Variants in JAK1 observed in about 807,000 individuals in gnomAD.
The protein encoded by JAK1 is tyrosine-protein kinase JAK1.
JAK1 carries 16 observed loss-of-function variants against 136.6 expected under a neutral mutation model. The observed-to-expected ratio is 0.12, with a 90% CI of 0.08 to 0.18. JAK1 has a LOEUF of 0.18. Ranked by LOEUF, JAK1 falls within the 10% of genes least tolerant of loss-of-function variation. The pLI is 1.00. For missense variants in JAK1, 859 were observed against 1,450.1 expected (o/e 0.59, Z 6.62); for synonymous variants, 492 against 519.5 (o/e 0.95, Z 0.72).
upstream of JAK1, among the ~76,000 whole-genome samples, chr1:64,970,037 A>T (rs1646436124): frequency 6.7e-6 from 1 of 149,892 alleles, no homozygotes; most frequent in South Asian, 2.1e-4. Flanking sequence ...TCAGGAGTCG[A>T]GGTGGAAGGA....
chr1:64,845,010 C>T lies in JAK1; in HGVS notation c.2116-121G>A. On this transcript the variant is annotated intron_variant, in intron 15 of 24. Transcript: ENST00000342505. ...ACAGCCAGATCTGGACAGCCTGGCC[C>T]TGCTGCCAATCATCTGTGTGACTTA... 6 of 1,330,662 alleles carry T rather than the reference C, an allele frequency of 4.5e-6. No homozygotes were observed. In the South Asian group the frequency reaches 8.1e-5, roughly 18 times the overall value. The allele number at this position is 1,330,662 out of a possible 1,614,324, so 82.4% of individuals were successfully genotyped here. A position where few individuals can be genotyped will look rare whatever the true frequency, so the allele number is the denominator to read the frequency against.
chr1:64,977,649 T>A lies in JAK1; in HGVS notation c.-78+66831A>T, dbSNP rs145330273. Among the ~76,000 whole-genome samples the A allele has an allele frequency of 1.6e-3, 218 of 134,200 alleles. 2 individuals are homozygous for A. The East Asian group carries it at 0.039, about 24-fold the overall frequency. 88.0% of individuals were successfully genotyped at this position (134,200 alleles called of 152,430 possible). On this transcript the variant is annotated intron_variant, in intron 2 of 25. Transcript: ENST00000671954. ...GGTTTCACCGTGTTAGCAAGGATGGTCTCAATCTCCTGACCTCATGATCTA... is the reference window on the plus strand; with the variant it reads ...GGTTTCACCGTGTTAGCAAGGATGGACTCAATCTCCTGACCTCATGATCTA...
intron 2 of JAK1, among the ~76,000 whole-genome samples, chr1:64,988,932 A>G (rs1010421987): frequency 2.8e-5 from 4 of 145,338 alleles, no homozygotes; most frequent in Admixed American, 2.1e-4. Flanking sequence ...ATGTATGTGT[A>G]TATATATATG....
At chr1:64,873,000 G>A (rs1191994902) in intron 5 of JAK1, among the ~76,000 whole-genome samples, 3 of 151,816 alleles carry the variant, frequency 2.0e-5, no homozygotes, top group East Asian at 3.9e-4. Flanking sequence ...ACATTACTAC[G>A]GCTGCTGAGA....
chr1:65,005,470 G>A (rs1215472131), intron 2 of JAK1, among the ~76,000 whole-genome samples: 4 of 152,106 alleles, frequency 2.6e-5, no homozygotes, highest in Non-Finnish European at 4.4e-5. Flanking sequence ...AAGTTCTAGT[G>A]TTCTATAGCA....
At chr1:64,989,053 A>G (rs570313555) in intron 2 of JAK1, among the ~76,000 whole-genome samples, 279 of 141,950 alleles carry the variant, frequency 2.0e-3, no homozygotes, top group African/African-American at 6.9e-3. Context: ...AAGGCTGGGC[A>G]TGGTGGCTCA....
intron 2 of JAK1, among the ~76,000 whole-genome samples, chr1:64,982,526 T>C (rs1240493328): frequency 6.6e-5 from 10 of 152,080 alleles, no homozygotes; most frequent in Non-Finnish European, 1.3e-4. Flanking sequence ...GGGTTGAAGG[T>C]ATGACCATTA....
intron 5 of JAK1, 54 bp downstream of exon 5, chr1:64,873,316 C>T: frequency 1.2e-6 from 2 of 1,607,390 alleles, no homozygotes; most frequent in Non-Finnish European, 1.7e-6. Context: ...CTGAGCTCTA[C>T]AATGCCTCTC....
At chr1:64,914,110 T>A (rs1025638072) in intron 1 of JAK1, among the ~76,000 whole-genome samples, 7 of 152,148 alleles carry the variant, frequency 4.6e-5, no homozygotes, top group Non-Finnish European at 8.8e-5. Flanking sequence ...GAAAGACCAA[T>A]GTCAGGTCAT....
intron 2 of JAK1, among the ~76,000 whole-genome samples, chr1:65,034,035 G>T (rs896359578): frequency 2.0e-5 from 3 of 152,080 alleles, no homozygotes; most frequent in Admixed American, 2.0e-4. Context: ...ACAGAAATAA[G>T]AAATTGATGT....
rs535561053 is a variant in JAK1, at chr1:64,976,503, A to G, written c.-78+67977T>C. On this transcript the variant is annotated intron_variant, in intron 2 of 25. Coordinates refer to the JAK1 transcript ENST00000671954. ...GGCTTCTGGGAGTTACACACTTCCA[A>G]TTGGTCTCCATTCCTTGGCCAGAGT... Among the ~76,000 whole-genome samples, 6 of 152,244 alleles carry G rather than the reference A, an allele frequency of 3.9e-5. No homozygotes were observed. The South Asian group carries it at 1.2e-3, about 32-fold the overall frequency.
chr1:64,857,731 C>T lies in JAK1; in HGVS notation c.1383G>A (p.Gly461=). The change falls in exon 10 of 25, where the codon GGG becomes GGA. Residue 461 remains glycine, a synonymous_variant. Transcript: ENST00000342505. ...TGCAGCTCCACCTCAGCACGTACAT[C>T]CCCTCCTCGCTTCCTTCTTGCCGCA... ...NKLRQEGSEE[G]MYVLRWSCTD... The T allele has an allele frequency of 5.0e-6, 8 of 1,614,192 alleles. No homozygotes were observed. The highest frequency in any genetic ancestry group is 6.8e-6 in the Non-Finnish European group (8 of 1,180,034).
chr1:64,833,996 C>T lies in JAK1; in HGVS notation c.*566G>A. ...GCCACTGGAGAAACAAAGTTTAAGTCCTACTGGTGAGAGAATACAGTCATT... is the reference window on the plus strand; with the variant it reads ...GCCACTGGAGAAACAAAGTTTAAGTTCTACTGGTGAGAGAATACAGTCATT... On this transcript the variant is annotated 3_prime_UTR_variant, in exon 25 of 25. Transcript: ENST00000342505. 1 of 232,280 alleles carries T rather than the reference C, an allele frequency of 4.3e-6. No homozygotes were observed. The highest frequency in any genetic ancestry group is 6.1e-5 in the East Asian group (1 of 16,508). The allele number at this position is 232,280 out of a possible 1,614,324, so 14.4% of individuals were successfully genotyped here.
At chr1:64,878,542 AC>A (rs1644711353) in intron 4 of JAK1, among the ~76,000 whole-genome samples, 1 of 139,302 alleles carries the variant, frequency 7.2e-6, no homozygotes, top group South Asian at 2.3e-4. Context: ...TTATATCATG[AC>A]CTTTATATAT....
rs574668089 is a variant in JAK1, at chr1:64,837,740, T to C, written c.3140+192A>G. On this transcript the variant is annotated intron_variant, in intron 22 of 24. Transcript: ENST00000342505. ...ATGAAGCTCAGTCATTTATATAGGC[T>C]GCTTTCAATGAAACAGGCTGAAAGG... 3.9e-5 allele frequency among the ~76,000 whole-genome samples: 6 copies of C among 152,364 alleles called. No homozygotes were observed. The South Asian group carries it at 1.2e-3, about 32-fold the overall frequency.
chr1:64,900,176 T>C (rs1570734960), intron 1 of JAK1, among the ~76,000 whole-genome samples: 3 of 152,160 alleles, frequency 2.0e-5, no homozygotes, highest in African/African-American at 7.2e-5. Context: ...TGGCTCAAGA[T>C]TGACTAGCAA....
chr1:64,868,025 AGAGT>A (rs1553162548), intron 6 of JAK1, among the ~76,000 whole-genome samples: 8 of 151,940 alleles, frequency 5.3e-5, no homozygotes, highest in Middle Eastern at 3.4e-3. Flanking sequence ...AGAGAGAGAG[AGAGT>A]GAGAGAGAGA....
intron 1 of JAK1, among the ~76,000 whole-genome samples, chr1:65,066,313 C>T (rs976471143): frequency 6.6e-6 from 1 of 152,068 alleles, no homozygotes; most frequent in African/African-American, 2.4e-5. Flanking sequence ...CCTGGACCAG[C>T]ACAAATTACA....
chr1:64,864,919 A>G lies in JAK1; in HGVS notation c.1044T>C (p.Asn348=). The G allele has an allele frequency of 6.2e-7, 1 of 1,613,632 alleles. No homozygotes were observed. The highest frequency in any genetic ancestry group is 8.5e-7 in the Non-Finnish European group (1 of 1,179,838). ...TTTTCTCCTCATCCTTCTTGTGTTTATTTTCCAGTTTTTTCCGCTTCAGTT... is the reference window on the plus strand; with the variant it reads ...TTTTCTCCTCATCCTTCTTGTGTTTGTTTTCCAGTTTTTTCCGCTTCAGTT... ...KNKLKRKKLE[N]KHKKDEEKNK... Residue 348 remains asparagine, a synonymous_variant, in exon 8 of 25, where the codon AAT becomes AAC. Transcript: ENST00000342505.
Sources: gnomAD v4.1 joint callset for allele counts (sites outside exome capture counted in the v4.1 genomes callset) on GRCh38, gnomAD v4.1.1 for gene constraint, MANE v1.5 for transcripts, NCBI Gene and HGNC (gene_info 2026-07-23, HGNC 2026-07-21) for gene names.